TAF3: variants seen among roughly 807,000 people sequenced by gnomAD.
TAF3 encodes TATA-box binding protein associated factor 3.
In TAF3, 7 loss-of-function variants were observed where a neutral mutation model predicts 80.6. The observed-to-expected ratio is 0.09, with a 90% CI of 0.05 to 0.16. The LOEUF is 0.16. Among genes scored for constraint, TAF3 ranks in the 10% least tolerant of loss-of-function variants. TAF3 has a pLI of 1.00. For synonymous variants in TAF3, 444 were observed against 446.1 expected (o/e 1.00, Z 0.06); for missense variants, 921 against 1,140.2 (o/e 0.81, Z 2.77).
In TAF3 at chr10:7,858,806, C is replaced by CTGTGTGTGTG. The variant is rs34538206; in HGVS notation, c.409+34259_409+34268dup. On this transcript the variant is annotated intron_variant, in intron 2 of 6. Transcript: ENST00000344293. ...AGATTTCACTGGTACATTATAGGCT[C>CTGTGTGTGTG]TGTGTGTGTGTGTGTGTGTGTGCGC... Among the ~76,000 whole-genome samples the CTGTGTGTGTG allele has an allele frequency of 1.7e-3, 257 of 150,656 alleles. 2 individuals carry two copies. Among genetic ancestry groups the CTGTGTGTGTG allele is most frequent in the African/African-American group, 5.9e-3 (242 of 41,108 alleles).
chr10:7,887,831 C>A (rs1042804914), intron 2 of TAF3, among the ~76,000 whole-genome samples: 1 of 151,072 alleles, frequency 6.6e-6, no homozygotes, highest in Admixed American at 6.6e-5. Context: ...AAAAAAAAAA[C>A]ACCAAAACAA....
At chr10:7,975,160 A>G (rs1588573272) in intron 3 of TAF3, 1 of 237,966 alleles carries the variant, frequency 4.2e-6, no homozygotes, top group East Asian at 1.4e-4. Context: ...ATGATAGAGA[A>G]AGCTTCTTTA....
At chr10:7,986,799 A>G (rs1205228583) in intron 4 of TAF3, among the ~76,000 whole-genome samples, 1 of 152,218 alleles carries the variant, frequency 6.6e-6, no homozygotes, top group East Asian at 1.9e-4. Flanking sequence ...CAGCTAAGAA[A>G]CAGGGGAAAA....
At chr10:7,850,936 G>A (rs1038105095) in intron 2 of TAF3, among the ~76,000 whole-genome samples, 5 of 151,972 alleles carry the variant, frequency 3.3e-5, no homozygotes, top group African/African-American at 1.2e-4. Flanking sequence ...CATATTTATT[G>A]TTCTCTGATT....
At position 7,965,130 on chromosome 10, in the gene TAF3, A is replaced by G; in HGVS notation, c.1620A>G (p.Arg540=). Reference sequence around the variant, plus strand: ...AAATGAAAAAGAAAGAAAAGCAGAGAGATAGGGAGAGGGAAAAAGACAAGA... The same window carrying G: ...AAATGAAAAAGAAAGAAAAGCAGAGGGATAGGGAGAGGGAAAAAGACAAGA... ...KTKMKKKEKQ[R]DREREKDKNK... is the part of the protein sequence containing the mutation. The change falls in exon 3 of 7, where the codon AGA becomes AGG. Residue 540 remains arginine (R), a synonymous_variant. Transcript: ENST00000344293. 1 of 1,613,042 alleles carries G rather than the reference A, an allele frequency of 6.2e-7. No homozygotes were observed. The highest frequency in any genetic ancestry group is 2.2e-5 in the East Asian group (1 of 44,876).
chr10:7,985,365 C>G (rs2131424590), intron 4 of TAF3, among the ~76,000 whole-genome samples: 1 of 152,320 alleles, frequency 6.6e-6, no homozygotes, highest in South Asian at 2.1e-4. Flanking sequence ...TTCGTTCCCT[C>G]TCTTAGCTCC....
intron 2 of TAF3, among the ~76,000 whole-genome samples, chr10:7,939,125 A>G (rs1837952408): frequency 6.6e-6 from 1 of 152,176 alleles, no homozygotes; most frequent in African/African-American, 2.4e-5. Context: ...AGGGATGTAA[A>G]AGATATAAAA....
At chr10:7,945,453 A>G (rs542280310) in intron 2 of TAF3, among the ~76,000 whole-genome samples, 3 of 152,168 alleles carry the variant, frequency 2.0e-5, no homozygotes, top group Non-Finnish European at 4.4e-5. Context: ...CATAGTGAGC[A>G]TTTTAAGACC....
intron 4 of TAF3, among the ~76,000 whole-genome samples, chr10:7,992,951 A>G: frequency 6.6e-6 from 1 of 152,234 alleles, no homozygotes; most frequent in East Asian, 1.9e-4. Flanking sequence ...TTCAGTATGC[A>G]ACTCTAAAAA....
At chr10:7,858,622 G>T (rs533956461) in intron 2 of TAF3, among the ~76,000 whole-genome samples, 1 of 152,184 alleles carries the variant, frequency 6.6e-6, no homozygotes, top group Admixed American at 6.5e-5. Context: ...CTTTTTGTGT[G>T]TTCTGCCTGT....
At chr10:7,862,794 G>C (rs1359582526) in intron 2 of TAF3, among the ~76,000 whole-genome samples, 3 of 151,824 alleles carry the variant, frequency 2.0e-5, no homozygotes, top group African/African-American at 7.3e-5. Context: ...ACTGTTTTTT[G>C]GTCTGGCCTT....
At chr10:7,980,409 A>G (rs1240594030) in intron 4 of TAF3, among the ~76,000 whole-genome samples, 2 of 152,220 alleles carry the variant, frequency 1.3e-5, no homozygotes, top group African/African-American at 2.4e-5. Context: ...CCTTGAAGCA[A>G]GACAGGAATA....
At chr10:7,857,939 G>A (rs1452379335) in intron 2 of TAF3, among the ~76,000 whole-genome samples, 2 of 133,454 alleles carry the variant, frequency 1.5e-5, no homozygotes, top group East Asian at 4.5e-4. Flanking sequence ...GCTAACCTTA[G>A]GGATTTCTCA....
At chr10:7,944,457 A>C (rs565452030) in intron 2 of TAF3, among the ~76,000 whole-genome samples, 1 of 152,022 alleles carries the variant, frequency 6.6e-6, no homozygotes, top group Non-Finnish European at 1.5e-5. Context: ...GAAAGAAATA[A>C]AAAATGAAAC....
At chr10:7,954,328 G>A (rs1220229756) in intron 2 of TAF3, among the ~76,000 whole-genome samples, 1 of 136,478 alleles carries the variant, frequency 7.3e-6, no homozygotes, top group Non-Finnish European at 1.6e-5. Flanking sequence ...ATAGGCGAAT[G>A]AGTGAATTAG....
At chr10:7,944,148 G>A (rs931813426) in intron 2 of TAF3, among the ~76,000 whole-genome samples, 2 of 150,968 alleles carry the variant, frequency 1.3e-5, no homozygotes, top group African/African-American at 2.4e-5. Context: ...GTGGGGGGGA[G>A]GGAAAAGGTA....
chr10:7,898,732 A>G (rs893558871), intron 2 of TAF3, among the ~76,000 whole-genome samples: 3 of 152,118 alleles, frequency 2.0e-5, no homozygotes, highest in Admixed American at 6.5e-5. Flanking sequence ...CTCTTCAGAC[A>G]ATTAATGTTT....
intron 2 of TAF3, among the ~76,000 whole-genome samples, chr10:7,875,026 A>G (rs1271712506): frequency 6.6e-6 from 1 of 152,206 alleles, no homozygotes; most frequent in Admixed American, 6.5e-5. Context: ...ATACTCAATT[A>G]TAGATAGCAG....
chr10:7,854,433 A>C (rs753251377), intron 2 of TAF3, among the ~76,000 whole-genome samples: 158 of 152,296 alleles, frequency 1.0e-3, no homozygotes, highest in Middle Eastern at 3.4e-3. Context: ...GCTCTATGTG[A>C]TTTTTGGCTC....
Sources: gnomAD v4.1 joint callset for allele counts (sites outside exome capture counted in the v4.1 genomes callset) on GRCh38, gnomAD v4.1.1 for gene constraint, MANE v1.5 for transcripts, NCBI Gene and HGNC (gene_info 2026-07-23, HGNC 2026-07-21) for gene names.